Variants in DLG2 observed in about 807,000 individuals in gnomAD.
DLG2 encodes the protein discs large MAGUK scaffold protein 2.
In DLG2, 45 loss-of-function variants were observed where a neutral mutation model predicts 132.5. The observed-to-expected ratio is 0.34, with a 90% CI of 0.27 to 0.44. The LOEUF (loss-of-function observed/expected upper bound fraction) is 0.44, where lower values mean the gene tolerates loss of function less well. DLG2 is among the 20% of genes least tolerant of loss of function. DLG2 has a pLI of 1.00. For missense variants in DLG2, 1,045 were observed against 1,196.9 expected, an observed-to-expected ratio of 0.87 and a Z score of 1.87; for synonymous variants, 424 against 419.6, an observed-to-expected ratio of 1.01 and a Z score of -0.13.
At chr11:83,910,323 TGAC>T (rs916037584) in intron 15 of DLG2, among the ~76,000 whole-genome samples, 4 of 152,150 alleles carry the variant, frequency 2.6e-5, no homozygotes, top group African/African-American at 9.6e-5. Context: ...ACCTCAAAGC[TGAC>T]AACTTTTGGA....
chr11:85,128,204 T>C (rs1172760295), intron 5 of DLG2, among the ~76,000 whole-genome samples: 1 of 152,072 alleles, frequency 6.6e-6, no homozygotes, highest in Admixed American at 6.6e-5. Context: ...CATATTGCAG[T>C]TTTATTTGTA....
At chr11:84,773,872 G>A (rs1242663570) in intron 6 of DLG2, among the ~76,000 whole-genome samples, 1 of 151,992 alleles carries the variant, frequency 6.6e-6, no homozygotes, top group Non-Finnish European at 1.5e-5. Flanking sequence ...CCTTGAGAAG[G>A]GGAACAAGAC....
At chr11:83,753,842 ATCATATATATCATATATATATT>A (rs1566831847) in intron 18 of DLG2, among the ~76,000 whole-genome samples, 328 of 11,756 alleles carry the variant, frequency 0.028, 3 homozygotes, top group South Asian at 0.14. Flanking sequence ...TATGATATAT[ATCATATATATCATATATATATT>A]TCATATATAT....
chr11:84,001,986 T>C (rs1250357199), intron 11 of DLG2, among the ~76,000 whole-genome samples: 3 of 151,702 alleles, frequency 2.0e-5, no homozygotes, highest in Non-Finnish European at 4.4e-5. Flanking sequence ...TCATAAACAA[T>C]CTAAAAATGC....
chr11:84,085,609 G>C (rs2096965880), intron 10 of DLG2, among the ~76,000 whole-genome samples: 1 of 152,232 alleles, frequency 6.6e-6, no homozygotes, highest in South Asian at 2.1e-4. Context: ...CTCATAGCTA[G>C]TTAGTGGCAG....
At chr11:83,619,145 C>T (rs1366705834) in intron 19 of DLG2, among the ~76,000 whole-genome samples, 1 of 152,196 alleles carries the variant, frequency 6.6e-6, no homozygotes, top group Non-Finnish European at 1.5e-5. Context: ...CAGGAAACCT[C>T]ATGCCTCTTT....
At chr11:83,857,182 G>A (rs978996418) in intron 16 of DLG2, among the ~76,000 whole-genome samples, 2 of 152,102 alleles carry the variant, frequency 1.3e-5, no homozygotes, top group Non-Finnish European at 2.9e-5. Context: ...ATTGGTCTAT[G>A]TGTCTGTTTT....
intron 3 of DLG2, among the ~76,000 whole-genome samples, chr11:85,321,102 T>C (rs916697961): frequency 6.6e-6 from 1 of 151,916 alleles, no homozygotes; most frequent in African/African-American, 2.4e-5. Context: ...ATGATAGTGA[T>C]TTGAATGAGG....
At chr11:84,789,578 A>C (rs1198746834) in intron 6 of DLG2, among the ~76,000 whole-genome samples, 1 of 152,124 alleles carries the variant, frequency 6.6e-6, no homozygotes, top group Non-Finnish European at 1.5e-5. Flanking sequence ...TATACTTTTT[A>C]GTTATTTTTA....
intron 3 of DLG2, among the ~76,000 whole-genome samples, chr11:85,505,873 A>G (rs1256249480): frequency 1.3e-5 from 2 of 152,178 alleles, no homozygotes; most frequent in Non-Finnish European, 2.9e-5. Context: ...TTGGTAGGCT[A>G]TTAATTACTG....
chr11:84,207,004 T>TA (rs960236220), intron 8 of DLG2, among the ~76,000 whole-genome samples: 7 of 151,826 alleles, frequency 4.6e-5, no homozygotes, highest in African/African-American at 1.7e-4. Context: ...AAATTAAATT[T>TA]AAAAAATCAA....
intron 18 of DLG2, among the ~76,000 whole-genome samples, chr11:83,766,974 T>C (rs931786686): frequency 1.3e-5 from 2 of 152,188 alleles, no homozygotes; most frequent in African/African-American, 4.8e-5. Flanking sequence ...GGGCTGTCAA[T>C]CTGGTCTCTG....
rs559500280 is a variant in DLG2, at chr11:84,392,633, G to A, written c.520-141342C>T. 7.9e-5 allele frequency among the ~76,000 whole-genome samples: 12 copies of A among 152,284 alleles called. No individual in the cohort carries two copies. In the South Asian group the frequency reaches 2.5e-3, roughly 32 times the overall value. ...TATGTATCAGACGTTGTTTTTGGCA[G>A]TTTACATGTAATTCTTGCAACAACT... On this transcript the variant is annotated intron_variant, in intron 7 of 27. Coordinates refer to ENST00000376104, the MANE Select transcript of DLG2 (RefSeq NM_001142699.3).
intron 2 of DLG2, among the ~76,000 whole-genome samples, chr11:85,607,787 A>G (rs140937200): frequency 6.6e-6 from 1 of 152,286 alleles, no homozygotes; most frequent in East Asian, 1.9e-4. Flanking sequence ...CTATTCATAT[A>G]AGTGAAGATA....
intron 6 of DLG2, among the ~76,000 whole-genome samples, chr11:84,977,444 G>C (rs1046479115): frequency 2.6e-5 from 4 of 152,092 alleles, no homozygotes; most frequent in South Asian, 4.1e-4. Context: ...GTAGGCTCTT[G>C]TTGTGAGATG....
intron 6 of DLG2, among the ~76,000 whole-genome samples, chr11:85,047,244 C>T (rs1465424066): frequency 6.6e-6 from 1 of 151,976 alleles, no homozygotes; most frequent in Non-Finnish European, 1.5e-5. Flanking sequence ...GATTTTAGTG[C>T]ATATCTTAAT....
intron 16 of DLG2, among the ~76,000 whole-genome samples, chr11:83,851,486 G>T (rs1325843997): frequency 6.6e-6 from 1 of 151,904 alleles, no homozygotes; most frequent in Admixed American, 6.6e-5. Context: ...AATTAGCTGG[G>T]TGTGGTGGCA....
At chr11:83,775,481 C>A (rs1425025325) in intron 18 of DLG2, among the ~76,000 whole-genome samples, 1 of 152,100 alleles carries the variant, frequency 6.6e-6, no homozygotes, top group African/African-American at 2.4e-5. Context: ...GGAATATAAC[C>A]TATATCACAA....
chr11:83,516,703 C>G (rs1049241844), intron 21 of DLG2, among the ~76,000 whole-genome samples: 7 of 152,126 alleles, frequency 4.6e-5, no homozygotes, highest in Non-Finnish European at 1.0e-4. Context: ...TTCAGGAGCT[C>G]TTGTAGGGCA....
Sources: gnomAD v4.1 joint callset for allele counts (sites outside exome capture counted in the v4.1 genomes callset) on GRCh38, gnomAD v4.1.1 for gene constraint, MANE v1.5 for transcripts, NCBI Gene and HGNC (gene_info 2026-07-23, HGNC 2026-07-21) for gene names.